RXRG: variants seen among roughly 807,000 people sequenced by gnomAD.
The protein encoded by RXRG is retinoic acid receptor RXR-gamma.
Under a neutral mutation model 49.2 loss-of-function variants are expected in RXRG, and 19 were observed. That is an observed-to-expected ratio of 0.39 (90% CI 0.27 to 0.57). The LOEUF (loss-of-function observed/expected upper bound fraction) is 0.57, where lower values mean the gene tolerates loss of function less well. Ranked by LOEUF, RXRG falls within the 20% of genes least tolerant of loss-of-function variation. RXRG has a pLI of 0.64. For missense variants in RXRG, 452 were observed against 592.5 expected (o/e 0.76, Z 2.46); for synonymous variants, 224 against 216.6 (o/e 1.03, Z -0.30).
chr1:165,401,669 C>G (rs1344763796), intron 9 of RXRG, among the ~76,000 whole-genome samples: 1 of 152,250 alleles, frequency 6.6e-6, no homozygotes, highest in Admixed American at 6.5e-5. Context: ...GGACTGCCCT[C>G]AGCTCCCCTC....
At chr1:165,430,332 A>T (rs1557923447) in intron 1 of RXRG, among the ~76,000 whole-genome samples, 1 of 152,278 alleles carries the variant, frequency 6.6e-6, no homozygotes, top group Non-Finnish European at 1.5e-5. Context: ...CCTTTGGGCA[A>T]CATCAGTGGG....
chr1:165,433,116 A>G (rs1015899861), intron 1 of RXRG, among the ~76,000 whole-genome samples: 7 of 151,986 alleles, frequency 4.6e-5, no homozygotes, highest in African/African-American at 1.7e-4. Context: ...CATACCTTTC[A>G]TCCCTTCTGC....
At chr1:165,409,410 CTGTT>C (rs1321537715) in intron 7 of RXRG, 144 bp downstream of exon 7, 1 of 923,832 alleles carries the variant, frequency 1.1e-6, no homozygotes, top group African/African-American at 1.7e-5. Context: ...GTGTAGCTAA[CTGTT>C]TGGGCTGCCC....
At chr1:165,424,107 A>G (rs1334974727) in intron 2 of RXRG, among the ~76,000 whole-genome samples, 1 of 152,244 alleles carries the variant, frequency 6.6e-6, no homozygotes, top group East Asian at 1.9e-4. Context: ...AGTATCAAAC[A>G]TACACACACA....
intron 4 of RXRG, among the ~76,000 whole-genome samples, chr1:165,413,985 T>C (rs1247474867): frequency 6.6e-6 from 1 of 152,234 alleles, no homozygotes; most frequent in African/African-American, 2.4e-5. Context: ...CTCTCTGTTA[T>C]CTGCTCCAGG....
In RXRG at chr1:165,406,803, C is replaced by G. The variant is rs748696144; in HGVS notation, c.1244+9G>C. 21 of 1,603,476 alleles carry G rather than the reference C, an allele frequency of 1.3e-5. No homozygotes were observed. In the African/African-American group the frequency reaches 1.5e-4, roughly 11 times the overall value. ...TGCTGTTACTACGATTCTGCCAGCA[C>G]TGTCTCACCTGCCTGGCTGTTCCGG... On this transcript the variant is annotated intron_variant, in intron 9 of 9. Transcript: ENST00000359842.
At chr1:165,437,289 G>T in intron 1 of RXRG, 1 of 1,244,502 alleles carries the variant, frequency 8.0e-7, no homozygotes. Flanking sequence ...GACACCAAGA[G>T]CATGAAGCCC....
chr1:165,427,429 G>C lies in RXRG; in HGVS notation c.297+1290C>G, dbSNP rs558359652. On this transcript the variant is annotated intron_variant, in intron 2 of 9. Transcript: ENST00000359842. ...GTTTTGTTTTGTTTTGTTTTGTTTTGTTTTGTTTTGTTTTGTTTTGTTTGA... is the reference window on the plus strand; with the variant it reads ...GTTTTGTTTTGTTTTGTTTTGTTTTCTTTTGTTTTGTTTTGTTTTGTTTGA... 3.3e-3 allele frequency among the ~76,000 whole-genome samples: 507 copies of C among 151,660 alleles called. 4 individuals carry two copies. Among genetic ancestry groups the C allele is most frequent in the African/African-American group, 0.012 (484 of 41,378 alleles).
intron 1 of RXRG, 101 bp downstream of exon 1, chr1:165,444,743 GT>G (rs1462627350): frequency 2.9e-6 from 3 of 1,034,288 alleles, no homozygotes; most frequent in Non-Finnish European, 4.5e-6. Context: ...AAACATATAT[GT>G]TCTCCTTTTA....
intron 2 of RXRG, among the ~76,000 whole-genome samples, chr1:165,425,760 ACT>A (rs1217076942): frequency 6.6e-6 from 1 of 152,118 alleles, no homozygotes; most frequent in African/African-American, 2.4e-5. Context: ...TTTATAATTC[ACT>A]CTCTTTGCTC....
intron 4 of RXRG, among the ~76,000 whole-genome samples, chr1:165,413,731 G>C (rs1184331029): frequency 1.3e-5 from 2 of 152,230 alleles, no homozygotes; most frequent in Non-Finnish European, 2.9e-5. Context: ...CCACTAATCA[G>C]AGGGTCCCAG....
Position 165,419,883 on chromosome 1 carries a change from TC to T in RXRG, c.428del (p.Gly143GlufsTer25). The part of the protein sequence containing the change: ...SLVKHICAIC[G>X]DRSSGKHYGV... Reference sequence around the variant, plus strand: ...TTCTGCATGTACCTGAGGATCTGTCTCCACAGATGGCACAGATGTGTTTAAC... The same window carrying T: ...TTCTGCATGTACCTGAGGATCTGTCTCACAGATGGCACAGATGTGTTTAAC... On this transcript the variant is annotated frameshift_variant, in exon 3 of 10. Transcript: ENST00000359842. LOFTEE classifies it high-confidence loss of function. The T allele has an allele frequency of 6.2e-7, 1 of 1,609,682 alleles. No homozygotes were observed. The highest frequency in any genetic ancestry group is 1.1e-5 in the South Asian group (1 of 90,168).
At chr1:165,421,245 T>C (rs1215213488) in intron 2 of RXRG, among the ~76,000 whole-genome samples, 1 of 152,222 alleles carries the variant, frequency 6.6e-6, no homozygotes, top group Non-Finnish European at 1.5e-5. Flanking sequence ...GACACAGCCT[T>C]TGGTGCTTTG....
chr1:165,438,955 A>T (rs1014982385), intron 1 of RXRG, among the ~76,000 whole-genome samples: 20 of 152,232 alleles, frequency 1.3e-4, no homozygotes, highest in African/African-American at 4.8e-4. Flanking sequence ...GAAGGAGCAC[A>T]TTGGCATATT....
rs747666608 is a variant in RXRG, at chr1:165,411,079, T to G, written c.653A>C (p.Glu218Ala). Residue 218 changes from glutamate to alanine, a missense_variant, in exon 5 of 10, where the codon GAG (glutamate) becomes GCG (alanine). Physicochemically the swap from Glu to Ala is moderately radical, Grantham distance 107. Coordinates refer to ENST00000359842, the MANE Select transcript of RXRG (RefSeq NM_006917.5). ...AVQEERQRSR[E>A]RAESEAECAT... is the part of the protein sequence containing the mutation. ...ACATTCTGCCTCACTCTCAGCTCGC[T>G]CTCGGCTCCTCTGTCTTTCTTCTTG... The G allele has an allele frequency of 6.2e-7, 1 of 1,614,094 alleles. No homozygotes were observed. The highest frequency in any genetic ancestry group is 2.2e-5 in the East Asian group (1 of 44,862).
intron 9 of RXRG, among the ~76,000 whole-genome samples, chr1:165,402,551 C>T (rs1016933313): frequency 6.6e-6 from 1 of 152,110 alleles, no homozygotes. Flanking sequence ...TACACACTCA[C>T]ACATGCTTCA....
At chr1:165,419,011 C>G (rs1257669725) in intron 3 of RXRG, among the ~76,000 whole-genome samples, 4 of 152,244 alleles carry the variant, frequency 2.6e-5, no homozygotes, top group East Asian at 1.9e-4. Flanking sequence ...CCATCATGGA[C>G]AGCTATAGAA....
At chr1:165,425,017 G>C (rs902582293) in intron 2 of RXRG, 3 of 951,158 alleles carry the variant, frequency 3.2e-6, no homozygotes, top group African/African-American at 3.5e-5. Context: ...GCTTAATATA[G>C]CTCCCCAAAG....
At chr1:165,430,644 A>T (rs1658646365) in intron 1 of RXRG, among the ~76,000 whole-genome samples, 1 of 152,252 alleles carries the variant, frequency 6.6e-6, no homozygotes, top group African/African-American at 2.4e-5. Context: ...TGTCCTAAGT[A>T]CCACAATCAA....
Sources: allele counts gnomAD v4.1 joint callset (sites outside exome capture counted in the v4.1 genomes callset), GRCh38; gene constraint gnomAD v4.1.1; transcripts MANE v1.5; gene names NCBI Gene and HGNC (gene_info 2026-07-23, HGNC 2026-07-21).